KLHL5: variants seen among roughly 807,000 people sequenced by gnomAD.
KLHL5 encodes kelch-like protein 5.
KLHL5 carries 48 observed loss-of-function variants against 77.7 expected under a neutral mutation model. The observed-to-expected ratio is 0.62, with a 90% CI of 0.49 to 0.79. KLHL5 has a LOEUF of 0.79. Ranked by LOEUF, KLHL5 falls within the 30% of genes least tolerant of loss-of-function variation. The probability of loss-of-function intolerance (pLI) is 0.00; values close to 1 mark genes in which losing one functional copy is unlikely to be tolerated. For missense variants in KLHL5, 723 were observed against 859.7 expected, an observed-to-expected ratio of 0.84 and a Z score of 1.99; for synonymous variants, 260 against 297.0, an observed-to-expected ratio of 0.88 and a Z score of 1.28.
At chr4:39,079,868 A>C (rs963887723) in intron 2 of KLHL5, among the ~76,000 whole-genome samples, 1 of 152,216 alleles carries the variant, frequency 6.6e-6, no homozygotes, top group Non-Finnish European at 1.5e-5. Flanking sequence ...TTTCTGAAGA[A>C]GCAACCAATG....
rs369903391 is a variant in KLHL5 at position 39,087,197 on chromosome 4, C to T, written c.1113+470C>T. Among the ~76,000 whole-genome samples the T allele has an allele frequency of 4.6e-5, 7 of 152,130 alleles. No individual in the cohort carries two copies. In the East Asian group the frequency reaches 5.8e-4, roughly 13 times the overall value. The stretch of plus-strand genomic sequence containing the variant: ...AAGTGCTGGGATTACAGGCATGAGC[C>T]GCTGTGCCCGGCCTCAATTAAGTAA... On this transcript the variant is annotated intron_variant, in intron 5 of 10. Transcript: ENST00000504108.
At chr4:39,134,721 T>C in the KLHL5 span, among the ~76,000 whole-genome samples, 31 of 152,338 alleles carry the variant, frequency 2.0e-4, 1 homozygote, top group African/African-American at 7.2e-4. Context: ...TATTTTCTTT[T>C]TAAATATGTT....
rs1314056543 is a variant in KLHL5, at chr4:39,067,201, G to A, written c.383+4166G>A. ...GTCTCCTTAGCCTCCTCTTGGCTGT[G>A]ACAGTTTCCTAGATTTTACTTGCTT... is the stretch of plus-strand genomic sequence containing the variant. On this transcript the variant is annotated intron_variant, in intron 1 of 10. Transcript: ENST00000504108. 2.0e-5 allele frequency among the ~76,000 whole-genome samples: 3 copies of A among 152,258 alleles called. No homozygotes were observed. The East Asian group carries it at 5.8e-4, about 29-fold the overall frequency.
chr4:39,121,178 C>A lies in KLHL5; in HGVS notation c.*112C>A. 1 of 824,808 alleles carries A rather than the reference C, an allele frequency of 1.2e-6. No homozygotes were observed. 51.1% of individuals were successfully genotyped at this position (824,808 alleles called of 1,614,324 possible). ...ATGTGCATTGTCACAATCCTGGGCA[C>A]AAAGTGCCTGATGTCAAAATGAAGA... On this transcript the variant is annotated 3_prime_UTR_variant, in exon 11 of 11. Transcript: ENST00000504108.
chr4:39,070,240 C>A (rs28672369), intron 1 of KLHL5, among the ~76,000 whole-genome samples: 1 of 152,056 alleles, frequency 6.6e-6, no homozygotes, highest in Non-Finnish European at 1.5e-5. Flanking sequence ...TAGACTAAGG[C>A]AGGGAATGTG....
the KLHL5 span, among the ~76,000 whole-genome samples, chr4:39,136,401 C>G: frequency 6.6e-6 from 1 of 152,302 alleles, no homozygotes; most frequent in South Asian, 2.1e-4. Flanking sequence ...CTCAGGTGAT[C>G]TGCCTGCCTC....
Position 39,078,495 on chromosome 4 carries a change from G to T in KLHL5, c.566+2348G>T, listed in dbSNP as rs145561965. Among the ~76,000 whole-genome samples, 142 of 152,248 alleles carry T rather than the reference G, an allele frequency of 9.3e-4. 1 individual carries two copies. The highest frequency in any genetic ancestry group is 3.3e-3 in the African/African-American group (137 of 41,530). On this transcript the variant is annotated intron_variant, in intron 2 of 10. Transcript: ENST00000504108. ...GGATCACTTGAGGCCAGGAGTTCCA[G>T]ACCAGCCTGGCCAACATGGCAAAGC...
chr4:39,135,997 T>C, the KLHL5 span, among the ~76,000 whole-genome samples: 1 of 144,992 alleles, frequency 6.9e-6, no homozygotes, highest in Non-Finnish European at 1.5e-5. Context: ...ATTCAATTCA[T>C]TCTAACACGT....
chr4:39,052,944 C>T (rs143384836), intron 1 of KLHL5, among the ~76,000 whole-genome samples: 8 of 152,304 alleles, frequency 5.3e-5, no homozygotes, highest in African/African-American at 1.9e-4. Flanking sequence ...AAATTCTAGC[C>T]TCGACTGATC....
chr4:39,141,433 C>T, the KLHL5 span, among the ~76,000 whole-genome samples: 1 of 151,214 alleles, frequency 6.6e-6, no homozygotes, highest in Admixed American at 6.6e-5. Flanking sequence ...CTCAGCCTCT[C>T]GAGTAGCTGG....
At chr4:39,134,153 G>A in the KLHL5 span, 1 of 152,234 alleles carries the variant, frequency 6.6e-6, no homozygotes, top group Non-Finnish European at 1.5e-5. Context: ...GGGCCACCCT[G>A]AGAAAGTCTC....
chr4:39,094,718 G>A (rs1720899989), intron 5 of KLHL5, among the ~76,000 whole-genome samples: 1 of 151,988 alleles, frequency 6.6e-6, no homozygotes, highest in Admixed American at 6.6e-5. Flanking sequence ...ATCTATTTAT[G>A]AGAATGTAGT....
At chr4:39,064,258 T>C (rs1208762806) in intron 1 of KLHL5, among the ~76,000 whole-genome samples, 1 of 138,718 alleles carries the variant, frequency 7.2e-6, no homozygotes, top group Non-Finnish European at 1.6e-5. Flanking sequence ...TGTAGGTAAA[T>C]AGTGTATTTA....
chr4:39,048,540 A>G (rs2109234570), intron 1 of KLHL5, among the ~76,000 whole-genome samples: 2 of 152,036 alleles, frequency 1.3e-5, no homozygotes, highest in Middle Eastern at 3.4e-3. Context: ...AGAGAACTCC[A>G]TTACAAATGG....
At position 39,081,867 on chromosome 4, in the gene KLHL5, A is replaced by G; in HGVS notation, c.704-96A>G. Reference sequence around the variant, plus strand: ...ATGTAGGTCTGTAATGCATGTAATGAGCTCTTATATGGAACCACTACTGTT... The same window carrying G: ...ATGTAGGTCTGTAATGCATGTAATGGGCTCTTATATGGAACCACTACTGTT... On this transcript the variant is annotated intron_variant, in intron 3 of 10. Coordinates refer to ENST00000504108, the MANE Select transcript of KLHL5 (RefSeq NM_015990.5). The surrounding 1 kb of genome is among the most constrained non-coding windows in gnomAD (Gnocchi z 4.3). The G allele has an allele frequency of 1.2e-6, 1 of 843,572 alleles. No homozygotes were observed. 52.3% of individuals were successfully genotyped at this position (843,572 alleles called of 1,614,324 possible).
intron 4 of KLHL5, among the ~76,000 whole-genome samples, chr4:39,084,719 C>T (rs79835330): frequency 0.021 from 3,215 of 152,080 alleles, 124 homozygotes; most frequent in African/African-American, 0.073. Context: ...TGATGAAATC[C>T]AATTAATGCC....
At chr4:39,054,947 T>C (rs1272262025) in intron 1 of KLHL5, among the ~76,000 whole-genome samples, 1 of 152,244 alleles carries the variant, frequency 6.6e-6, no homozygotes, top group Non-Finnish European at 1.5e-5. Flanking sequence ...ATACTTGTTA[T>C]AGTAATTATA....
intron 6 of KLHL5, among the ~76,000 whole-genome samples, chr4:39,102,864 A>AG (rs1721707606): frequency 6.6e-6 from 1 of 152,190 alleles, no homozygotes; most frequent in African/African-American, 2.4e-5. Flanking sequence ...CTCCCCCTGA[A>AG]GTCATCAGTG....
intron 1 of KLHL5, among the ~76,000 whole-genome samples, chr4:39,045,670 G>T (rs1716126957): frequency 1.3e-5 from 2 of 152,088 alleles, no homozygotes; most frequent in Admixed American, 1.3e-4. Context: ...CATGCTCTGG[G>T]ATCAGAAGCT....
Sources: allele counts gnomAD v4.1 joint callset (sites outside exome capture counted in the v4.1 genomes callset), GRCh38; gene constraint gnomAD v4.1.1; non-coding constraint Gnocchi (gnomAD v3.1); transcripts MANE v1.5; gene names NCBI Gene and HGNC (gene_info 2026-07-23, HGNC 2026-07-21).